Variants in SQSTM1 observed in about 807,000 individuals in gnomAD.
SQSTM1 encodes the protein sequestosome-1.
A neutral mutation model predicts 45.1 loss-of-function variants in SQSTM1; 36 were observed. The observed-to-expected ratio is 0.80, with a 90% CI of 0.61 to 1.05. The LOEUF is 1.05. SQSTM1 is among the 50% of genes least tolerant of loss of function. The pLI is 0.00. For synonymous variants in SQSTM1, 290 were observed against 244.3 expected (o/e 1.19, Z -1.74); for missense variants, 617 against 607.1 (o/e 1.02, Z -0.17).
At chr5:179,822,665 A>G in intron 1 of SQSTM1, 1 of 421,404 alleles carries the variant, frequency 2.4e-6, no homozygotes, top group Non-Finnish European at 4.5e-6. Flanking sequence ...CTGAAAAGGC[A>G]GCTGGCCCAA....
upstream of SQSTM1, among the ~76,000 whole-genome samples, chr5:179,816,772 CCT>C (rs1491505640): frequency 9.3e-5 from 14 of 150,130 alleles, no homozygotes; most frequent in East Asian, 8.0e-4. Context: ...CTCCAGCCCC[CCT>C]CCCTACTCCT....
rs1554159994 is a variant in SQSTM1, at chr5:179,806,887, A to AGGGCT, written c.-157+300_-157+301insTGGGC. ...ACACTGGCGGCCTCGCCTCCGCGGC[A>AGGGCT]GGGCCGGGCCGGGCCGGGCTGGGCT... On this transcript the variant is annotated intron_variant, in intron 1 of 5. Coordinates refer to the SQSTM1 transcript ENST00000514093. The surrounding 1 kb of genome is among the most constrained non-coding windows in gnomAD (Gnocchi z 4.6). 75 of 149,838 alleles carry AGGGCT rather than the reference A, an allele frequency of 5.0e-4. No individual in the cohort carries two copies. Among genetic ancestry groups the AGGGCT allele is most frequent in the African/African-American group, 1.7e-3 (69 of 40,906 alleles). The allele number at this position is 149,838 out of a possible 1,614,324, so 9.3% of individuals were successfully genotyped here.
intron 2 of SQSTM1, chr5:179,812,871 G>C (rs1291305565): frequency 6.6e-6 from 1 of 152,186 alleles, no homozygotes; most frequent in Admixed American, 6.5e-5. Context: ...CCCAAAGCTT[G>C]ACCAGGCCCA....
At position 179,836,659 on chromosome 5, in the gene SQSTM1, A is replaced by G; in HGVS notation, c.*66A>G. 1 of 1,610,884 alleles carries G rather than the reference A, an allele frequency of 6.2e-7. No homozygotes were observed. The highest frequency in any genetic ancestry group is 8.5e-7 in the Non-Finnish European group (1 of 1,177,210). On this transcript the variant is annotated 3_prime_UTR_variant, in exon 8 of 8. Transcript: ENST00000389805. ...CATAGTTGTGTTAAGCTTGCGTAGAATTGCAGGTCTCTGTACGGGCCAGTT... is the reference window on the plus strand; with the variant it reads ...CATAGTTGTGTTAAGCTTGCGTAGAGTTGCAGGTCTCTGTACGGGCCAGTT...
Position 179,806,698 on chromosome 5 carries a change from G to T in SQSTM1, c.-157+107G>T. 7.9e-6 allele frequency: 2 copies of T among 254,450 alleles called. No homozygotes were observed. The highest frequency in any genetic ancestry group is 1.2e-5 in the Non-Finnish European group (2 of 164,622). The allele number at this position is 254,450 out of a possible 1,614,324, so 15.8% of individuals were successfully genotyped here. A position where few individuals can be genotyped will look rare whatever the true frequency, so the allele number is the denominator to read the frequency against. ...GGCGGCGGCAGGGGCCCCGGCCCCGGGTCGGGGAGGGGCGGGGGGCCCGGG... is the reference window on the plus strand; with the variant it reads ...GGCGGCGGCAGGGGCCCCGGCCCCGTGTCGGGGAGGGGCGGGGGGCCCGGG... On this transcript the variant is annotated intron_variant, in intron 1 of 5. Transcript: ENST00000514093. This position sits in a 1 kb window ranked among gnomAD's most constrained non-coding sequence, Gnocchi z 4.6.
intron 5 of SQSTM1, among the ~76,000 whole-genome samples, chr5:179,825,440 G>T (rs117361472): frequency 2.2e-4 from 34 of 152,164 alleles, no homozygotes; most frequent in Admixed American, 3.3e-4. Flanking sequence ...GAGTGAAGTC[G>T]AATCAGCTGG....
chr5:179,823,325 G>A (rs1281815452), intron 2 of SQSTM1, among the ~76,000 whole-genome samples: 8 of 151,594 alleles, frequency 5.3e-5, no homozygotes, highest in Non-Finnish European at 1.0e-4. Flanking sequence ...AATTAGCCGG[G>A]TGTGGTGGTA....
At position 179,834,236 on chromosome 5, in the gene SQSTM1, T is replaced by TGG. The variant is rs575654168; in HGVS notation, c.1165+460_1165+461dup. ...AAGTGGATGGTGTGGCAGGCAGCAG[T>TGG]GGGGGGGTGGGGGGTGGGGACAGCT... On this transcript the variant is annotated intron_variant, in intron 7 of 7. Transcript: ENST00000389805. Among the ~76,000 whole-genome samples, 26 of 7,054 alleles carry TGG rather than the reference T, an allele frequency of 3.7e-3. 1 individual carries two copies. The highest frequency in any genetic ancestry group is 0.015 in the African/African-American group (18 of 1,188). 4.6% of individuals were successfully genotyped at this position (7,054 alleles called of 152,430 possible).
chr5:179,837,564 G>A lies in SQSTM1; in HGVS notation c.*971G>A, dbSNP rs540010749. On this transcript the variant is annotated 3_prime_UTR_variant, in exon 8 of 8. Transcript: ENST00000389805. ...CCAGATGTGACGGGGTGTGTGGCCC[G>A]AGGAAGCTGGACAGCGGCAGTGGGC... The A allele has an allele frequency of 4.5e-5, 72 of 1,614,066 alleles. No homozygotes were observed. Among genetic ancestry groups the A allele is most frequent in the East Asian group, 3.1e-4 (14 of 44,896 alleles).
chr5:179,808,828 TTTTA>T (rs778152680), intron 1 of SQSTM1, among the ~76,000 whole-genome samples: 66 of 151,206 alleles, frequency 4.4e-4, no homozygotes, highest in Admixed American at 4.7e-4. Context: ...TTTTTTGTAA[TTTTA>T]TTTATTTATT....
At position 179,824,307 on chromosome 5, in the gene SQSTM1, C is replaced by A; in HGVS notation, c.657C>A (p.Gly219=). ...RPPRAGEARP[G]PTAESASGPS... ...CTCGTGCAGGGGAGGCCCGCCCTGG[C>A]CCCACGGCAGAATCAGGTGAGGCTT... The change falls in exon 4 of 8, where the codon GGC becomes GGA. Residue 219 remains glycine, a synonymous_variant. Coordinates refer to ENST00000389805, the MANE Select transcript of SQSTM1 (RefSeq NM_003900.5). 1 of 1,613,640 alleles carries A rather than the reference C, an allele frequency of 6.2e-7. No individual in the cohort carries two copies. Among genetic ancestry groups the A allele is most frequent in the South Asian group, 1.1e-5 (1 of 91,084 alleles).
At chr5:179,834,818 C>T (rs562562176) in intron 7 of SQSTM1, among the ~76,000 whole-genome samples, 7 of 152,358 alleles carry the variant, frequency 4.6e-5, no homozygotes, top group Admixed American at 2.6e-4. Context: ...CACACAGACA[C>T]GGCAACCATC....
upstream of SQSTM1, among the ~76,000 whole-genome samples, chr5:179,817,586 T>C (rs1046675661): frequency 3.3e-5 from 5 of 152,248 alleles, no homozygotes; most frequent in African/African-American, 1.2e-4. Flanking sequence ...CTGAATTCTC[T>C]AACCATGTCT....
Position 179,837,179 on chromosome 5 carries a change from T to TA in SQSTM1, c.*590dup. 6.6e-7 allele frequency: 1 copy of TA among 1,517,844 alleles called. No individual in the cohort carries two copies. Among genetic ancestry groups the TA allele is most frequent in the Non-Finnish European group, 8.9e-7 (1 of 1,126,918 alleles). 94.0% of individuals were successfully genotyped at this position (1,517,844 alleles called of 1,614,324 possible). A position where few individuals can be genotyped will look rare whatever the true frequency, so the allele number is the denominator to read the frequency against. Reference sequence around the variant, plus strand: ...TCATTTCCAAACCATCAGCTGCTTTTAAAATAAGATCTCTTTGTAGCCATC... The same window carrying TA: ...TCATTTCCAAACCATCAGCTGCTTTTAAAAATAAGATCTCTTTGTAGCCATC... On this transcript the variant is annotated 3_prime_UTR_variant, in exon 8 of 8. Coordinates refer to ENST00000389805, the MANE Select transcript of SQSTM1 (RefSeq NM_003900.5).
chr5:179,832,058 C>T (rs1758252136), intron 5 of SQSTM1, among the ~76,000 whole-genome samples: 1 of 152,222 alleles, frequency 6.6e-6, no homozygotes, highest in Admixed American at 6.5e-5. Flanking sequence ...GCTGGGATTA[C>T]AGGCGTGAGC....
rs902587858 is a variant in SQSTM1 at position 179,806,532 on chromosome 5, C to T, written c.-216C>T. 1.5e-6 allele frequency: 2 copies of T among 1,338,760 alleles called. No homozygotes were observed. The highest frequency in any genetic ancestry group is 2.6e-5 in the Admixed American group (1 of 38,912). 82.9% of individuals were successfully genotyped at this position (1,338,760 alleles called of 1,614,324 possible). ...GCGTACCAGGACAGCGAGAGGAAGG[C>T]GCACAGGCAGAAGAGCAGCAGCGTC... is the stretch of plus-strand genomic sequence containing the variant. On this transcript the variant is annotated 5_prime_UTR_variant, in exon 1 of 6. Transcript: ENST00000514093. This position sits in a 1 kb window ranked among gnomAD's most constrained non-coding sequence, Gnocchi z 4.6.
chr5:179,831,132 C>G (rs1758192761), intron 5 of SQSTM1, among the ~76,000 whole-genome samples: 1 of 152,186 alleles, frequency 6.6e-6, no homozygotes, highest in South Asian at 2.1e-4. Context: ...AAATGAAGCA[C>G]AGAGGTATTA....
At position 179,824,308 on chromosome 5, in the gene SQSTM1, C is replaced by T. The variant is rs1252599940; in HGVS notation, c.658C>T (p.Pro220Ser). The T allele has an allele frequency of 1.2e-6, 2 of 1,613,634 alleles. No individual in the cohort carries two copies. The highest frequency in any genetic ancestry group is 2.7e-5 in the African/African-American group (2 of 75,046). ...TCGTGCAGGGGAGGCCCGCCCTGGC[C>T]CCACGGCAGAATCAGGTGAGGCTTG... ...PPRAGEARPGPTAESASGPSE... is the reference protein window; with the variant it reads ...PPRAGEARPGSTAESASGPSE... Residue 220 changes from proline (P) to serine (S), a missense_variant, in exon 4 of 8, where the codon CCC (proline) becomes TCC (serine). By Grantham distance (74) the Pro-to-Ser change is moderately conservative. Coordinates refer to ENST00000389805, the MANE Select transcript of SQSTM1 (RefSeq NM_003900.5).
chr5:179,819,348 A>C, upstream of SQSTM1, among the ~76,000 whole-genome samples: 1 of 82,612 alleles, frequency 1.2e-5, no homozygotes, highest in Admixed American at 1.5e-4. Context: ...GTCTCTTCAC[A>C]TGCCCCTAGC....
Sources: allele counts gnomAD v4.1 joint callset (sites outside exome capture counted in the v4.1 genomes callset), GRCh38; gene constraint gnomAD v4.1.1; non-coding constraint Gnocchi (gnomAD v3.1); transcripts MANE v1.5; gene names NCBI Gene and HGNC (gene_info 2026-07-23, HGNC 2026-07-21).